LARP1B: variants seen among roughly 807,000 people sequenced by gnomAD.
The protein encoded by LARP1B is La ribonucleoprotein 1B.
Under a neutral mutation model 114.2 loss-of-function variants are expected in LARP1B, and 76 were observed. The ratio of observed to expected loss-of-function variants is 0.67; its 90% CI spans 0.55 to 0.81. The LOEUF (loss-of-function observed/expected upper bound fraction) is 0.81. LARP1B is among the 30% of genes least tolerant of loss of function. The pLI is 0.00. For missense variants in LARP1B, 1,014 were observed against 1,075.8 expected, an observed-to-expected ratio of 0.94 and a Z score of 0.80; for synonymous variants, 345 against 348.0, an observed-to-expected ratio of 0.99 and a Z score of 0.10.
intron 10 of LARP1B, 51 bp from the exon 11 acceptor site, chr4:128,121,775 T>C (rs139658485): frequency 1.5e-6 from 2 of 1,299,262 alleles, no homozygotes; most frequent in African/African-American, 3.0e-5. Flanking sequence ...TGACATTTAA[T>C]TTAAAAATGA....
chr4:128,188,933 A>T (rs777823472), intron 15 of LARP1B, among the ~76,000 whole-genome samples: 2 of 152,150 alleles, frequency 1.3e-5, no homozygotes, highest in Non-Finnish European at 2.9e-5. Context: ...TATCCTGGAG[A>T]ATGTTCCATG....
At chr4:128,120,632 G>C (rs892080815) in intron 10 of LARP1B, among the ~76,000 whole-genome samples, 5 of 150,638 alleles carry the variant, frequency 3.3e-5, no homozygotes, top group East Asian at 2.0e-4. Flanking sequence ...ACTATACCTG[G>C]GTAATTTTTG....
intron 1 of LARP1B, among the ~76,000 whole-genome samples, chr4:128,065,323 C>T (rs568552529): frequency 0.011 from 1,184 of 111,044 alleles, 15 homozygotes; most frequent in African/African-American, 0.016. Context: ...CTTTCTCTCT[C>T]TCTCTCTCTT....
At chr4:128,065,855 A>C (rs980023501) in intron 1 of LARP1B, among the ~76,000 whole-genome samples, 5 of 152,148 alleles carry the variant, frequency 3.3e-5, no homozygotes, top group South Asian at 4.1e-4. Flanking sequence ...ATAGATTGTC[A>C]GTCTTGCTCT....
rs1561079962 is a variant in LARP1B at position 128,077,905 on chromosome 4, G to C, written c.160G>C (p.Gly54Arg). Residue 54 changes from glycine to arginine, a missense_variant, in exon 4 of 20, where the codon GGT becomes CGT. Gly to Arg is a moderately radical substitution (Grantham distance 125). Transcript: ENST00000326639. ...SKENRETKLN[G>R]PGENVSEDEA... ...AGAAAACCGGGAAACAAAATTAAAT[G>C]GTCCTGGTGAAAACGTCAGTGAGGA... is the stretch of plus-strand genomic sequence containing the variant. 4 of 1,613,492 alleles carry C rather than the reference G, an allele frequency of 2.5e-6. No homozygotes were observed. In the African/African-American group the frequency reaches 5.3e-5, roughly 22 times the overall value.
chr4:128,117,913 CTTTTTT>C (rs35542391), intron 10 of LARP1B, among the ~76,000 whole-genome samples: 2 of 102,598 alleles, frequency 1.9e-5, no homozygotes. Context: ...AACAGAAAAT[CTTTTTT>C]TTTTTTTTTT....
chr4:128,106,030 C>CTT (rs34671395), intron 8 of LARP1B, among the ~76,000 whole-genome samples: 3 of 146,222 alleles, frequency 2.1e-5, no homozygotes, highest in East Asian at 4.0e-4. Context: ...GGATAATGTT[C>CTT]TTTTTTTTTT....
chr4:128,132,577 T>G (rs1791919445), intron 11 of LARP1B, among the ~76,000 whole-genome samples: 3 of 152,008 alleles, frequency 2.0e-5, no homozygotes, highest in Non-Finnish European at 2.9e-5. Context: ...TGTCTTAAGA[T>G]CTTTTTTCTC....
intron 12 of LARP1B, 134 bp from the exon 13 acceptor site, chr4:128,176,738 G>A (rs930115661): frequency 1.1e-5 from 8 of 750,820 alleles, no homozygotes; most frequent in Non-Finnish European, 1.6e-5. Context: ...GTTGCTTTCT[G>A]GGAAGCAATG....
At chr4:128,203,858 A>G (rs1364578218) in intron 17 of LARP1B, among the ~76,000 whole-genome samples, 1 of 152,222 alleles carries the variant, frequency 6.6e-6, no homozygotes, top group Admixed American at 6.5e-5. Context: ...CTCAATTTTC[A>G]GTGATATAAT....
At chr4:128,170,079 A>G (rs1395519541) in intron 12 of LARP1B, among the ~76,000 whole-genome samples, 1 of 152,126 alleles carries the variant, frequency 6.6e-6, no homozygotes, top group East Asian at 1.9e-4. Context: ...TTAGGAGTGT[A>G]TTCGGTGTAA....
At chr4:128,072,201 A>T (rs1196889287) in intron 1 of LARP1B, among the ~76,000 whole-genome samples, 1 of 152,024 alleles carries the variant, frequency 6.6e-6, no homozygotes, top group Non-Finnish European at 1.5e-5. Flanking sequence ...GGGTTTTGCC[A>T]TGTTGGCCAG....
intron 3 of LARP1B, among the ~76,000 whole-genome samples, chr4:128,075,970 C>T (rs768862481): frequency 3.3e-5 from 5 of 152,232 alleles, no homozygotes; most frequent in Non-Finnish European, 5.9e-5. Flanking sequence ...ATAGTTTACC[C>T]GCTTTTCAGA....
chr4:128,064,990 A>G (rs1761838509), intron 1 of LARP1B, among the ~76,000 whole-genome samples: 1 of 152,150 alleles, frequency 6.6e-6, no homozygotes, highest in Non-Finnish European at 1.5e-5. Context: ...TTAATTGCAA[A>G]TGACCTGTGA....
Position 128,114,746 on chromosome 4 carries a change from A to G in LARP1B, c.1161+4A>G. On this transcript the variant is annotated splice_donor_region_variant and intron_variant, in intron 10 of 19. Transcript: ENST00000326639. ...GCCAGCCCCAGTGAAATTGAGGGTA[A>G]GTTGTTACAGACTGAGTGAAGTGTG... 6.2e-7 allele frequency: 1 copy of G among 1,613,786 alleles called. No individual in the cohort carries two copies.
chr4:128,197,149 T>A lies in LARP1B; in HGVS notation c.2004-2290T>A, dbSNP rs1481161070. On this transcript the variant is annotated intron_variant, in intron 15 of 19. Transcript: ENST00000326639. ...TGATTACAGAATATTGTGATTATAT[T>A]TAATGCCTATTAATTATACACTTAT... is the stretch of plus-strand genomic sequence containing the variant. 5.3e-5 allele frequency among the ~76,000 whole-genome samples: 8 copies of A among 152,314 alleles called. No individual in the cohort carries two copies. The East Asian group carries it at 1.5e-3, about 29-fold the overall frequency.
At chr4:128,155,396 G>C (rs1735035391) in intron 11 of LARP1B, 3 of 612,404 alleles carry the variant, frequency 4.9e-6, no homozygotes, top group Non-Finnish European at 8.8e-6. Flanking sequence ...GGCATGTTCT[G>C]AGACTTCAGG....
intron 9 of LARP1B, among the ~76,000 whole-genome samples, chr4:128,109,198 AG>A (rs1288631713): frequency 1.3e-5 from 2 of 152,174 alleles, no homozygotes; most frequent in African/African-American, 2.4e-5. Flanking sequence ...GTCAATGGAG[AG>A]TAGTATGTCA....
chr4:128,144,904 A>G (rs1729653071), intron 11 of LARP1B, among the ~76,000 whole-genome samples: 1 of 152,180 alleles, frequency 6.6e-6, no homozygotes, highest in African/African-American at 2.4e-5. Flanking sequence ...AAAATCTGAC[A>G]TTTGACATTT....
Sources: gnomAD v4.1 joint callset for allele counts (sites outside exome capture counted in the v4.1 genomes callset) on GRCh38, gnomAD v4.1.1 for gene constraint, MANE v1.5 for transcripts, NCBI Gene and HGNC (gene_info 2026-07-23, HGNC 2026-07-21) for gene names.